ZNF470: variants seen among roughly 807,000 people sequenced by gnomAD.
ZNF470 encodes the protein chondrogenesis zinc finger protein 1.
ZNF470 carries 13 observed loss-of-function variants against 13.9 expected under a neutral mutation model. That is an observed-to-expected ratio of 0.94 (90% CI 0.61 to 1.49). The LOEUF (loss-of-function observed/expected upper bound fraction) is 1.49. Ranked by LOEUF, ZNF470 falls within the 40% of genes most tolerant of loss-of-function variation. The pLI is 0.00. For missense variants in ZNF470, 929 were observed against 857.3 expected, an observed-to-expected ratio of 1.08 and a Z score of -1.04; for synonymous variants, 293 against 282.9, an observed-to-expected ratio of 1.04 and a Z score of -0.36.
At chr19:56,576,526 ATGGC>A (rs2044489462) in intron 5 of ZNF470, among the ~76,000 whole-genome samples, 183 bp from the exon 6 acceptor site, 1 of 152,206 alleles carries the variant, frequency 6.6e-6, no homozygotes, top group Non-Finnish European at 1.5e-5. Context: ...ATAGTATACC[ATGGC>A]CAAGGAGGAT....
chr19:56,582,168 G>GCAAA lies in ZNF470; in HGVS notation c.*3587_*3590dup, dbSNP rs1568498154. 1.0e-6 allele frequency: 1 copy of GCAAA among 985,236 alleles called. No homozygotes were observed. Among genetic ancestry groups the GCAAA allele is most frequent in the East Asian group, 1.1e-4 (1 of 8,814 alleles). 61.0% of individuals were successfully genotyped at this position (985,236 alleles called of 1,614,324 possible). On this transcript the variant is annotated 3_prime_UTR_variant, in exon 6 of 6. Coordinates refer to ENST00000330619, the MANE Select transcript of ZNF470 (RefSeq NM_001001668.4). ...GAAAGCATCTCATGGTGTGCGATGA[G>GCAAA]CAAACGCCTGATTATTCATTATAGT... is the stretch of plus-strand genomic sequence containing the variant.
At chr19:56,569,252 A>G (rs2044433459) in intron 2 of ZNF470, among the ~76,000 whole-genome samples, 1 of 152,308 alleles carries the variant, frequency 6.6e-6, no homozygotes, top group East Asian at 1.9e-4. Context: ...CAGTGGAGTC[A>G]AGGGACTGCT....
In ZNF470 at chr19:56,579,103, G is replaced by A. The variant is rs117026977; in HGVS notation, c.*520G>A. 3,379 of 985,538 alleles carry A rather than the reference G, an allele frequency of 3.4e-3. 83 individuals are homozygous for A. In the South Asian group the frequency reaches 0.068, roughly 20 times the overall value. 61.0% of individuals were successfully genotyped at this position (985,538 alleles called of 1,614,324 possible). ...AGCAACTCTCACTTTACCTGACACT[G>A]AGAAGTGAGAATCAGCCAATTAGAA... is the stretch of plus-strand genomic sequence containing the variant. On this transcript the variant is annotated 3_prime_UTR_variant, in exon 6 of 6. Coordinates refer to ENST00000330619, the MANE Select transcript of ZNF470 (RefSeq NM_001001668.4).
intron 5 of ZNF470, 30 bp downstream of exon 5, chr19:56,574,763 A>G (rs368099593): frequency 6.7e-4 from 1,050 of 1,573,616 alleles, no homozygotes; most frequent in Non-Finnish European, 8.6e-4. Context: ...AGATAAAGGA[A>G]CTGTTCTCAA....
In ZNF470 at chr19:56,580,127, A is replaced by T. The variant is rs2044524477; in HGVS notation, c.*1544A>T. 1 of 984,434 alleles carries T rather than the reference A, an allele frequency of 1.0e-6. No homozygotes were observed. Among genetic ancestry groups the T allele is most frequent in the Admixed American group, 6.2e-5 (1 of 16,258 alleles). 61.0% of individuals were successfully genotyped at this position (984,434 alleles called of 1,614,324 possible). A position where few individuals can be genotyped will look rare whatever the true frequency, so the allele number is the denominator to read the frequency against. ...TAAAAAAGAAGCTAGGGAGTGCTGG[A>T]TCAGGCACCTTACTATCCCCAGAAC... On this transcript the variant is annotated 3_prime_UTR_variant, in exon 6 of 6. Coordinates refer to ENST00000330619, the MANE Select transcript of ZNF470 (RefSeq NM_001001668.4).
intron 5 of ZNF470, among the ~76,000 whole-genome samples, chr19:56,574,944 C>T (rs1391008317): frequency 6.6e-6 from 1 of 152,138 alleles, no homozygotes; most frequent in East Asian, 1.9e-4. Context: ...TTTCTGAGCT[C>T]TTGTTTTACT....
rs2044471201 is a variant in ZNF470 at position 56,573,856 on chromosome 19, T to A, written c.61-538T>A. 5.2e-6 allele frequency: 3 copies of A among 574,354 alleles called. No individual in the cohort carries two copies. In the South Asian group the frequency reaches 2.3e-4, roughly 44 times the overall value. The allele number at this position is 574,354 out of a possible 1,614,324, so 35.6% of individuals were successfully genotyped here. Reference sequence around the variant, plus strand: ...TTCTTCTCTCCTAATACAAATATACTTTTATTTCAGAAGAAAAGACTATAG... The same window carrying A: ...TTCTTCTCTCCTAATACAAATATACATTTATTTCAGAAGAAAAGACTATAG... On this transcript the variant is annotated intron_variant, in intron 3 of 5. Transcript: ENST00000330619.
chr19:56,568,840 C>A lies in ZNF470; in HGVS notation c.-76C>A, dbSNP rs2044430404. 6.6e-6 allele frequency: 1 copy of A among 152,298 alleles called. No homozygotes were observed. The highest frequency in any genetic ancestry group is 2.1e-4 in the South Asian group (1 of 4,822). 9.4% of individuals were successfully genotyped at this position (152,298 alleles called of 1,614,324 possible). ...ATTCAGATCCAGAACAGGCTGACTC[C>A]AGAGTCACTGGCTGTCATGTAGTTT... On this transcript the variant is annotated 5_prime_UTR_variant, in exon 2 of 6. Transcript: ENST00000330619.
chr19:56,571,976 T>G (rs2044455314), intron 3 of ZNF470, among the ~76,000 whole-genome samples: 2 of 151,918 alleles, frequency 1.3e-5, no homozygotes, highest in Admixed American at 6.6e-5. Context: ...CACCTTTTCT[T>G]AGGTATAATG....
rs2044498759 is a variant in ZNF470, at chr19:56,577,496, C to T, written c.1067C>T (p.Ala356Val). ...GKAFSDCSSL[A>V]HHRRIHTGKR... ...GCTTTTAGTGATTGCTCATCCCTAG[C>T]TCATCATCGAAGGATTCACACTGGG... The change falls in exon 6 of 6, where the codon GCT (alanine) becomes GTT (valine). Residue 356 changes from alanine (A) to valine (V), a missense_variant. Ala to Val is a moderately conservative substitution (Grantham distance 64). Coordinates refer to ENST00000330619, the MANE Select transcript of ZNF470 (RefSeq NM_001001668.4). 6.2e-7 allele frequency: 1 copy of T among 1,613,412 alleles called. No homozygotes were observed. Among genetic ancestry groups the T allele is most frequent in the Middle Eastern group, 1.7e-4 (1 of 6,060 alleles).
chr19:56,580,565 C>T lies in ZNF470; in HGVS notation c.*1982C>T, dbSNP rs1321239334. 6.6e-6 allele frequency: 1 copy of T among 151,004 alleles called. No individual in the cohort carries two copies. Among genetic ancestry groups the T allele is most frequent in the Admixed American group, 6.6e-5 (1 of 15,118 alleles). The allele number at this position is 151,004 out of a possible 1,614,324, so 9.4% of individuals were successfully genotyped here. Reference sequence around the variant, plus strand: ...ATCACCTCAAAGAGGAATCCCTTGTCCTTTTGTAGTTATGGCCATCCCTGG... The same window carrying T: ...ATCACCTCAAAGAGGAATCCCTTGTTCTTTTGTAGTTATGGCCATCCCTGG... On this transcript the variant is annotated 3_prime_UTR_variant, in exon 6 of 6. Transcript: ENST00000330619.
intron 1 of ZNF470, 128 bp from the exon 2 acceptor site, chr19:56,568,630 G>C (rs1186343966): frequency 6.6e-6 from 1 of 152,168 alleles, no homozygotes; most frequent in East Asian, 1.9e-4. Flanking sequence ...TTTCCTGCAT[G>C]CTATAGTAAT....
At chr19:56,572,717 T>C (rs1185233519) in intron 3 of ZNF470, among the ~76,000 whole-genome samples, 2 of 151,564 alleles carry the variant, frequency 1.3e-5, no homozygotes, top group Non-Finnish European at 2.9e-5. Context: ...TGCTGAAAAC[T>C]AAAGACAAAA....
Position 56,582,007 on chromosome 19 carries a change from G to C in ZNF470, c.*3424G>C, listed in dbSNP as rs966536843. 1 of 985,214 alleles carries C rather than the reference G, an allele frequency of 1.0e-6. No individual in the cohort carries two copies. The highest frequency in any genetic ancestry group is 1.2e-6 in the Non-Finnish European group (1 of 829,922). The allele number at this position is 985,214 out of a possible 1,614,324, so 61.0% of individuals were successfully genotyped here. ...GATTTTTGCCTCCTGTTGGTCAGTT[G>C]CTTGCAAGTAAAGAAACAATCATAC... is the stretch of plus-strand genomic sequence containing the variant. On this transcript the variant is annotated 3_prime_UTR_variant, in exon 6 of 6. Transcript: ENST00000330619.
At chr19:56,570,048 G>A in intron 2 of ZNF470, 1 of 417,036 alleles carries the variant, frequency 2.4e-6, no homozygotes, top group Non-Finnish European at 4.4e-6. Context: ...TTAATGAATT[G>A]GTGGCTGATG....
In ZNF470 at chr19:56,579,089, C is replaced by T; in HGVS notation, c.*506C>T. 1 of 985,652 alleles carries T rather than the reference C, an allele frequency of 1.0e-6. No homozygotes were observed. The highest frequency in any genetic ancestry group is 1.2e-6 in the Non-Finnish European group (1 of 830,092). 61.1% of individuals were successfully genotyped at this position (985,652 alleles called of 1,614,324 possible). ...TGACATTGTTGATGAGCAACTCTCA[C>T]TTTACCTGACACTGAGAAGTGAGAA... is the stretch of plus-strand genomic sequence containing the variant. On this transcript the variant is annotated 3_prime_UTR_variant, in exon 6 of 6. Coordinates refer to ENST00000330619, the MANE Select transcript of ZNF470 (RefSeq NM_001001668.4).
rs779099347 is a variant in ZNF470 at position 56,574,275 on chromosome 19, G to A, written c.61-119G>A. 1.1e-5 allele frequency: 16 copies of A among 1,449,666 alleles called. No homozygotes were observed. In the African/African-American group the frequency reaches 1.4e-4, roughly 13 times the overall value. 89.8% of individuals were successfully genotyped at this position (1,449,666 alleles called of 1,614,324 possible). A position where few individuals can be genotyped will look rare whatever the true frequency, so the allele number is the denominator to read the frequency against. ...CTGACCCGGATCATTTAGACCCTTA[G>A]TGCAGTTACTTATACATAGTGTTTT... On this transcript the variant is annotated intron_variant, in intron 3 of 5. Transcript: ENST00000330619.
intron 3 of ZNF470, among the ~76,000 whole-genome samples, chr19:56,571,979 G>A (rs867719137): frequency 6.6e-6 from 1 of 151,590 alleles, no homozygotes; most frequent in Non-Finnish European, 1.5e-5. Context: ...CTTTTCTTAG[G>A]TATAATGCCA....
At chr19:56,575,763 A>G (rs1291005448) in intron 5 of ZNF470, among the ~76,000 whole-genome samples, 1 of 152,136 alleles carries the variant, frequency 6.6e-6, no homozygotes, top group East Asian at 1.9e-4. Flanking sequence ...ATGCATCACC[A>G]CACCTGGCCC....
Sources: gnomAD v4.1 joint callset for allele counts (sites outside exome capture counted in the v4.1 genomes callset) on GRCh38, gnomAD v4.1.1 for gene constraint, MANE v1.5 for transcripts, NCBI Gene and HGNC (gene_info 2026-07-23, HGNC 2026-07-21) for gene names.